The following TPM4 variants were observed in gnomAD, a reference collection of about 807,000 sequenced individuals.
The protein encoded by TPM4 is tropomyosin alpha-4 chain.
Under a neutral mutation model 35.8 loss-of-function variants are expected in TPM4, and 17 were observed. The observed-to-expected ratio is 0.47, with a 90% CI of 0.32 to 0.71. The LOEUF (loss-of-function observed/expected upper bound fraction) is 0.71. Among genes scored for constraint, TPM4 ranks in the 30% least tolerant of loss-of-function variants. The pLI, the probability that TPM4 is intolerant of heterozygous loss-of-function variation, is 0.03. For missense variants in TPM4, 240 were observed against 320.9 expected (o/e 0.75, Z 1.93); for synonymous variants, 120 against 122.9 (o/e 0.98, Z 0.15).
In TPM4 at chr19:16,081,893, T is replaced by G; in HGVS notation, c.133-20T>G. ...CTGGCCTGATACTTCTTAACATGGC[T>G]GCACCTCCGACCTCCCCAGGCTGAA... On this transcript the variant is annotated intron_variant, in intron 1 of 7. Coordinates refer to ENST00000643579, the MANE Select transcript of TPM4 (RefSeq NM_003290.3). 6.4e-7 allele frequency: 1 copy of G among 1,574,010 alleles called. No individual in the cohort carries two copies. Among genetic ancestry groups the G allele is most frequent in the South Asian group, 1.1e-5 (1 of 88,974 alleles).
chr19:16,083,100 G>C (rs1461186069), intron 2 of TPM4, among the ~76,000 whole-genome samples: 1 of 152,056 alleles, frequency 6.6e-6, no homozygotes, highest in Non-Finnish European at 1.5e-5. Flanking sequence ...CTTTTGGACG[G>C]TGACAGCTAT....
chr19:16,078,288 A>C (rs1443785055), intron 1 of TPM4: 1 of 394,640 alleles, frequency 2.5e-6, no homozygotes, highest in Non-Finnish European at 4.5e-6. Context: ...CAGAGGCAAG[A>C]AAGTTGTATG....
At chr19:16,083,355 C>A (rs1386242270) in intron 2 of TPM4, among the ~76,000 whole-genome samples, 1 of 151,980 alleles carries the variant, frequency 6.6e-6, no homozygotes, top group Non-Finnish European at 1.5e-5. Flanking sequence ...AAGGCAAGAT[C>A]CCCCAGCTTG....
intron 1 of TPM4, chr19:16,081,686 G>A (rs377012810): frequency 9.0e-4 from 340 of 377,560 alleles, no homozygotes; most frequent in African/African-American, 6.5e-3. Flanking sequence ...GAGCCACCAC[G>A]CTTGGCGATG....
At chr19:16,086,196 C>T (rs894180144) in intron 2 of TPM4, among the ~76,000 whole-genome samples, 1 of 151,630 alleles carries the variant, frequency 6.6e-6, no homozygotes, top group Non-Finnish European at 1.5e-5. Context: ...TGGTGTCTCA[C>T]GCAATTAGCC....
intron 7 of TPM4, among the ~76,000 whole-genome samples, chr19:16,096,567 C>T (rs943506923): frequency 6.6e-6 from 1 of 152,156 alleles, no homozygotes; most frequent in Non-Finnish European, 1.5e-5. Context: ...TTTCTTGTGT[C>T]TTTTCTCTGT....
At chr19:16,094,927 T>TA (rs2090675857) in intron 7 of TPM4, among the ~76,000 whole-genome samples, 1 of 151,988 alleles carries the variant, frequency 6.6e-6, no homozygotes, top group Non-Finnish European at 1.5e-5. Context: ...CATTCCAAAA[T>TA]ACGACCTTTG....
In TPM4 at chr19:16,102,686, C is replaced by G. The variant is rs2090774391; in HGVS notation, c.*1340C>G. The G allele has an allele frequency of 4.4e-6, 1 of 229,294 alleles. No homozygotes were observed. The highest frequency in any genetic ancestry group is 2.2e-5 in the African/African-American group (1 of 45,122). 14.2% of individuals were successfully genotyped at this position (229,294 alleles called of 1,614,324 possible). ...GAAGGATTCTGTAGACAGGGCTGCA[C>G]GTATCGGCTTTGTTTGACTTCTCTT... On this transcript the variant is annotated 3_prime_UTR_variant, in exon 8 of 8. Transcript: ENST00000643579.
rs1005240231 is a variant in TPM4 at position 16,088,724 on chromosome 19, C to A, written c.456-321C>A. On this transcript the variant is annotated intron_variant, in intron 4 of 7. Transcript: ENST00000643579. ...CCTTCTGCCCTCAGTCCCATTCTTA[C>A]ACCTTCCGGAGTCGGCCTCATCAAT... 6.3e-6 allele frequency: 7 copies of A among 1,114,828 alleles called. No homozygotes were observed. In the South Asian group the frequency reaches 7.3e-5, roughly 12 times the overall value. The allele number at this position is 1,114,828 out of a possible 1,614,324, so 69.1% of individuals were successfully genotyped here.
intron 7 of TPM4, chr19:16,099,904 C>T (rs530728992): frequency 1.3e-5 from 2 of 152,098 alleles, no homozygotes; most frequent in Admixed American, 1.3e-4. Context: ...TCTCCGTTCT[C>T]CTGGATTCAT....
intron 3 of TPM4, 50 bp downstream of exon 3, chr19:16,086,590 A>G (rs771069120): frequency 6.6e-7 from 1 of 1,504,262 alleles, no homozygotes; most frequent in Non-Finnish European, 9.2e-7. Flanking sequence ...GAGGAAATGC[A>G]TCTGCTGAGA....
intron 1 of TPM4, among the ~76,000 whole-genome samples, chr19:16,077,648 C>A (rs996233700): frequency 6.6e-6 from 1 of 152,178 alleles, no homozygotes; most frequent in Non-Finnish European, 1.5e-5. Flanking sequence ...GCTTTTTTCC[C>A]ATCTGCGAGT....
rs1161886093 is a variant in TPM4 at position 16,102,029 on chromosome 19, T to G, written c.*683T>G. On this transcript the variant is annotated 3_prime_UTR_variant, in exon 8 of 8. Coordinates refer to ENST00000643579, the MANE Select transcript of TPM4 (RefSeq NM_003290.3). Reference sequence around the variant, plus strand: ...GGTAATTAATTGATCCTTGATGTGATGTTCTTTTGCATATTTCCTTCATTC... The same window carrying G: ...GGTAATTAATTGATCCTTGATGTGAGGTTCTTTTGCATATTTCCTTCATTC... The G allele has an allele frequency of 4.7e-6, 1 of 212,150 alleles. No individual in the cohort carries two copies. Among genetic ancestry groups the G allele is most frequent in the Non-Finnish European group, 9.5e-6 (1 of 104,860 alleles). 13.1% of individuals were successfully genotyped at this position (212,150 alleles called of 1,614,324 possible).
In TPM4 at chr19:16,076,673, C is replaced by G; in HGVS notation, c.108C>G (p.Asp36Glu). 1 of 1,382,170 alleles carries G rather than the reference C, an allele frequency of 7.2e-7. No homozygotes were observed. Among genetic ancestry groups the G allele is most frequent in the Non-Finnish European group, 9.4e-7 (1 of 1,069,430 alleles). The allele number at this position is 1,382,170 out of a possible 1,614,324, so 85.6% of individuals were successfully genotyped here. The change falls in exon 1 of 8, where the codon GAC becomes GAG. Residue 36 changes from aspartate (D) to glutamate (E), a missense_variant. Transcript: ENST00000643579. ...DRAQGLQREL[D>E]GERERREKAE... ...CGCAGGGCCTGCAGCGGGAGCTGGA[C>G]GGCGAGCGCGAGCGGCGCGAGAAAG... is the stretch of plus-strand genomic sequence containing the variant.
chr19:16,077,246 G>C (rs1599363609), intron 1 of TPM4: 1 of 151,566 alleles, frequency 6.6e-6, no homozygotes, highest in Non-Finnish European at 1.5e-5. Context: ...CCGTTCCCAG[G>C]GGCGCGGCGG....
upstream of TPM4, chr19:16,076,252 GGGAGGAGGAAGA>G: frequency 6.5e-7 from 1 of 1,541,070 alleles, no homozygotes; most frequent in African/African-American, 1.4e-5. Context: ...GAGCCGCAGG[GGGAGGAGGAAGA>G]GGAGGAGGAG....
At chr19:16,099,468 C>G (rs2090740001) in intron 7 of TPM4, among the ~76,000 whole-genome samples, 1 of 152,000 alleles carries the variant, frequency 6.6e-6, no homozygotes, top group Non-Finnish European at 1.5e-5. Flanking sequence ...CTTGTAGTCC[C>G]AGCTACTTGG....
rs2090353119 is a variant in TPM4 at position 16,071,071 on chromosome 19, A to T, written c.114+3333A>T. ...AGCCAGCTGCGTGGCCAAGGAGGTT[A>T]TGCCTTTTTTGTCCCACAAAGATGC... On this transcript the variant is annotated intron_variant, in intron 2 of 2. Transcript: ENST00000589897. Among the ~76,000 whole-genome samples the T allele has an allele frequency of 3.3e-5, 5 of 152,366 alleles. No homozygotes were observed. The South Asian group carries it at 1.0e-3, about 32-fold the overall frequency.
chr19:16,076,916 C>A (rs1331556288), intron 1 of TPM4: 22 of 1,046,642 alleles, frequency 2.1e-5, no homozygotes, highest in Non-Finnish European at 2.7e-5. Context: ...GAGGGGGCGC[C>A]GCCTCCGGGT....
Sources: gnomAD v4.1 joint callset for allele counts (sites outside exome capture counted in the v4.1 genomes callset) on GRCh38, gnomAD v4.1.1 for gene constraint, MANE v1.5 for transcripts, NCBI Gene and HGNC (gene_info 2026-07-23, HGNC 2026-07-21) for gene names.